The following NPY4R variants were observed in gnomAD, a reference collection of about 807,000 sequenced individuals.
The protein encoded by NPY4R is neuropeptide Y receptor type 4.
In NPY4R, 2 loss-of-function variants were observed where a neutral mutation model predicts 11.9. The observed-to-expected ratio is 0.17, with a 90% confidence interval of 0.07 to 0.53. The LOEUF (loss-of-function observed/expected upper bound fraction) is 0.53, where lower values mean the gene tolerates loss of function less well. Ranked by LOEUF, NPY4R falls within the 20% of genes least tolerant of loss-of-function variation. The pLI is 0.94. For missense variants in NPY4R, 26 were observed against 280.2 expected (o/e 0.09, Z 6.48); for synonymous variants, 8 against 121.7 (o/e 0.07, Z 6.15).
At chr10:46,466,266 TTCTTTCTTTCTTTCTTTCTCTCTCTCTC>T (rs1841043937), upstream of NPY4R, among the ~76,000 whole-genome samples, 1 of 69,012 alleles carries the variant, frequency 1.4e-5, no homozygotes, top group African/African-American at 8.3e-5. Flanking sequence ...TTTCTTTCCT[TTCTTTCTTTCTTTCTTTCTCTCTCTCTC>T]TCTCTCTCCC....
At chr10:46,466,213 T>C (rs1183106534), upstream of NPY4R, among the ~76,000 whole-genome samples, 1 of 58,622 alleles carries the variant, frequency 1.7e-5, no homozygotes, top group Non-Finnish European at 3.3e-5. Flanking sequence ...CTTTCTTTCT[T>C]TCTTTCTTTC....
chr10:46,466,402 C>T (rs1191103289), upstream of NPY4R, among the ~76,000 whole-genome samples: 9 of 102,846 alleles, frequency 8.8e-5, no homozygotes, highest in African/African-American at 3.5e-4. Flanking sequence ...CTCTCTCTGC[C>T]TCAGTTTCCT....
upstream of NPY4R, among the ~76,000 whole-genome samples, chr10:46,466,243 CTTTCTTTCTTT>C (rs1841033312): frequency 8.7e-5 from 6 of 69,298 alleles, 1 homozygote; most frequent in South Asian, 3.8e-4. Flanking sequence ...TTCTTTCTTT[CTTTCTTTCTTT>C]CTTTCTTTCC....
At chr10:46,466,177 TTC>T (rs1377838026), upstream of NPY4R, among the ~76,000 whole-genome samples, 88 of 40,180 alleles carry the variant, frequency 2.2e-3, 11 homozygotes, top group Middle Eastern at 0.013. Context: ...TGCGCTGTCT[TTC>T]TCTCTTTCTT....
chr10:46,466,181 CTCTTTCTTTCTTTCTTTCTT>C (rs1171598410), upstream of NPY4R, among the ~76,000 whole-genome samples: 241 of 21,988 alleles, frequency 0.011, 9 homozygotes, highest in Admixed American at 0.026. Flanking sequence ...CTGTCTTTCT[CTCTTTCTTTCTTTCTTTCTT>C]TCTTTCTTTC....
chr10:46,466,177 T>TCTC (rs1841014834), upstream of NPY4R, among the ~76,000 whole-genome samples: 3 of 40,170 alleles, frequency 7.5e-5, no homozygotes, highest in Admixed American at 2.9e-4. Flanking sequence ...TGCGCTGTCT[T>TCTC]TCTCTCTTTC....
intron 1 of NPY4R, 34 bp from the exon 2 acceptor site, chr10:46,463,919 G>A (rs1840927851): frequency 6.9e-6 from 1 of 145,542 alleles, no homozygotes; most frequent in African/African-American, 2.7e-5. Flanking sequence ...TGATTCTGAT[G>A]CACATGGCCC....
In NPY4R at chr10:46,465,896, GC is replaced by G. The variant is rs1840999234; in HGVS notation, c.-435del. On this transcript the variant is annotated 5_prime_UTR_variant, in exon 1 of 3. Coordinates refer to ENST00000374312, the MANE Select transcript of NPY4R (RefSeq NM_005972.6). Reference sequence around the variant, plus strand: ...CTCCTGTGCCCAGGGGGCACCAGGCGCGGGGCAGAGCCGCGCCTGCTTCACC... The same window carrying G: ...CTCCTGTGCCCAGGGGGCACCAGGCGGGGGCAGAGCCGCGCCTGCTTCACC... The G allele has an allele frequency of 3.9e-5, 6 of 152,416 alleles. No homozygotes were observed. The allele number at this position is 152,416 out of a possible 1,614,324, so 9.4% of individuals were successfully genotyped here.
At chr10:46,466,181 C>CTT (rs1554991156), upstream of NPY4R, among the ~76,000 whole-genome samples, 3 of 22,324 alleles carry the variant, frequency 1.3e-4, no homozygotes, top group East Asian at 1.0e-3. Flanking sequence ...CTGTCTTTCT[C>CTT]TCTTTCTTTC....
chr10:46,466,187 CTTTCTTT>C (rs1841018983), upstream of NPY4R, among the ~76,000 whole-genome samples: 3 of 9,986 alleles, frequency 3.0e-4, no homozygotes, highest in African/African-American at 9.7e-4. Flanking sequence ...TTCTCTCTTT[CTTTCTTT>C]CTTTCTTTCT....
At chr10:46,466,260 T>TCCCTCCCTCCCCC (rs1841041152), upstream of NPY4R, among the ~76,000 whole-genome samples, 1 of 66,030 alleles carries the variant, frequency 1.5e-5, no homozygotes, top group African/African-American at 8.4e-5. Context: ...TCTTTCTTTC[T>TCCCTCCCTCCCCC]TTCCTTTCTT....
At chr10:46,468,191 C>T (rs1841110113), upstream of NPY4R, among the ~76,000 whole-genome samples, 5 of 113,146 alleles carry the variant, frequency 4.4e-5, no homozygotes, top group Non-Finnish European at 8.8e-5. Context: ...ACCATAATGC[C>T]CAGGAGAGGG....
upstream of NPY4R, among the ~76,000 whole-genome samples, chr10:46,466,177 T>TTCTC (rs1377838026): frequency 0.013 from 529 of 40,034 alleles, 78 homozygotes; most frequent in African/African-American, 0.038. Flanking sequence ...TGCGCTGTCT[T>TTCTC]TCTCTCTTTC....
upstream of NPY4R, among the ~76,000 whole-genome samples, chr10:46,466,227 CT>C (rs1222790736): frequency 3.0e-5 from 2 of 67,208 alleles, no homozygotes; most frequent in African/African-American, 8.9e-5. Context: ...TTCTTTCTTT[CT>C]TTCTTTCTTT....
upstream of NPY4R, among the ~76,000 whole-genome samples, chr10:46,466,343 C>T (rs1283676612): frequency 8.0e-6 from 1 of 125,066 alleles, no homozygotes; most frequent in African/African-American, 3.1e-5. Flanking sequence ...TCTCTTTCTC[C>T]AGGAGTGTTT....
chr10:46,466,232 T>TCCC (rs1841028158), upstream of NPY4R, among the ~76,000 whole-genome samples: 4 of 68,894 alleles, frequency 5.8e-5, no homozygotes, highest in Admixed American at 2.8e-4. Flanking sequence ...TCTTTCTTTC[T>TCCC]TTCTTTCTTT....
chr10:46,466,238 T>TC (rs1211684916), upstream of NPY4R, among the ~76,000 whole-genome samples: 2 of 68,792 alleles, frequency 2.9e-5, no homozygotes, highest in East Asian at 2.3e-4. Context: ...TTTCTTTCTT[T>TC]CTTTCTTTCT....
upstream of NPY4R, among the ~76,000 whole-genome samples, chr10:46,466,240 T>TCCC (rs1841032146): frequency 1.4e-5 from 1 of 71,474 alleles, no homozygotes; most frequent in Admixed American, 1.4e-4. Flanking sequence ...TCTTTCTTTC[T>TCCC]TTCTTTCTTT....
At chr10:46,468,053 G>A (rs1554991883), upstream of NPY4R, among the ~76,000 whole-genome samples, 1 of 123,484 alleles carries the variant, frequency 8.1e-6, no homozygotes, top group African/African-American at 3.2e-5. Flanking sequence ...TAACTGGTGT[G>A]GTGTGATCAT....
Sources: gnomAD v4.1 joint callset for allele counts (sites outside exome capture counted in the v4.1 genomes callset) on GRCh38, gnomAD v4.1.1 for gene constraint, MANE v1.5 for transcripts, NCBI Gene and HGNC (gene_info 2026-07-23, HGNC 2026-07-21) for gene names.